Variants in DLGAP5 observed in about 807,000 individuals in gnomAD.
DLGAP5 encodes DLG associated protein 5.
In DLGAP5, 90 loss-of-function variants were observed where a neutral mutation model predicts 99.6. That is an observed-to-expected ratio of 0.90 (90% confidence interval 0.76 to 1.08). The LOEUF is 1.08. Ranked by LOEUF, DLGAP5 falls within the 50% of genes least tolerant of loss-of-function variation. The pLI, the probability that DLGAP5 is intolerant of heterozygous loss-of-function variation, is 0.00. For synonymous variants in DLGAP5, 311 were observed against 321.3 expected, an observed-to-expected ratio of 0.97 and a Z score of 0.34; for missense variants, 1,036 against 983.5, an observed-to-expected ratio of 1.05 and a Z score of -0.71.
At chr14:55,188,468 C>T (rs563755425) in intron 2 of DLGAP5, among the ~76,000 whole-genome samples, 1 of 152,132 alleles carries the variant, frequency 6.6e-6, no homozygotes, top group Non-Finnish European at 1.5e-5. Flanking sequence ...TCTATTTTTA[C>T]ATTTCTTATC....
chr14:55,186,722 C>T (rs1883448234), intron 2 of DLGAP5, among the ~76,000 whole-genome samples: 1 of 152,218 alleles, frequency 6.6e-6, no homozygotes, highest in Non-Finnish European at 1.5e-5. Flanking sequence ...TTCAAGATCA[C>T]CAGTGACCTC....
At chr14:55,166,741 T>A (rs1028012647) in intron 12 of DLGAP5, among the ~76,000 whole-genome samples, 11 of 151,114 alleles carry the variant, frequency 7.3e-5, no homozygotes, top group African/African-American at 2.4e-4. Flanking sequence ...AAAAAAAAAA[T>A]ACATATATAT....
At position 55,158,676 on chromosome 14, in the gene DLGAP5, T is replaced by C. The variant is rs1489294909; in HGVS notation, c.1719A>G (p.Arg573=). ...KQDDAGRIAA[R]NRLAAIKNAM... ...CATTTTTTATGGCAGCTAGGCGATT[T>C]CTCGCTGCAATTCTTCCAGCATCAT... is the stretch of plus-strand genomic sequence containing the variant. The change falls in exon 14 of 19, where the codon AGA becomes AGG. Residue 573 remains arginine (R), a synonymous_variant. Coordinates refer to ENST00000247191, the MANE Select transcript of DLGAP5 (RefSeq NM_014750.5). The C allele has an allele frequency of 3.1e-6, 5 of 1,614,010 alleles. No individual in the cohort carries two copies. The highest frequency in any genetic ancestry group is 4.2e-6 in the Non-Finnish European group (5 of 1,180,012).
At chr14:55,161,007 C>CT (rs1424426483) in intron 13 of DLGAP5, among the ~76,000 whole-genome samples, 1 of 151,658 alleles carries the variant, frequency 6.6e-6, no homozygotes, top group Non-Finnish European at 1.5e-5. Flanking sequence ...TGATAAGACA[C>CT]TTAAACATGT....
chr14:55,163,075 T>C lies in DLGAP5; in HGVS notation c.1549A>G (p.Ile517Val). The change falls in exon 13 of 19, where the codon ATA becomes GTA. Residue 517 changes from isoleucine to valine, a missense_variant and splice_region_variant. Transcript: ENST00000247191. Reference sequence around the variant, plus strand: ...TTGAATTTGTGGATTACATCTTCTATCTGTTAATAAAGCACAAGTTTACCA... The same window carrying C: ...TTGAATTTGTGGATTACATCTTCTACCTGTTAATAAAGCACAAGTTTACCA... ...DGFWDMVSFQIEDVIHKFNNL... is the reference protein window; with the variant it reads ...DGFWDMVSFQVEDVIHKFNNL... The C allele has an allele frequency of 6.3e-7, 1 of 1,580,506 alleles. No individual in the cohort carries two copies. Among genetic ancestry groups the C allele is most frequent in the Non-Finnish European group, 8.6e-7 (1 of 1,161,104 alleles).
chr14:55,164,677 T>G (rs760845069), intron 12 of DLGAP5, among the ~76,000 whole-genome samples: 5 of 151,890 alleles, frequency 3.3e-5, no homozygotes, highest in Non-Finnish European at 7.4e-5. Flanking sequence ...ATCCCAGGAC[T>G]TTGGGAGGCA....
intron 18 of DLGAP5, 26 bp downstream of exon 18, chr14:55,150,773 G>A (rs531145796): frequency 1.3e-6 from 2 of 1,527,226 alleles, no homozygotes; most frequent in East Asian, 2.4e-5. Flanking sequence ...AGAATATAAA[G>A]GGACTTGTCA....
rs1402927385 is a variant in DLGAP5 at position 55,154,665 on chromosome 14, T to C, written c.2015A>G (p.Lys672Arg). ...SPENAGPQNT[K>R]SEHVKKTLFL... Reference sequence around the variant, plus strand: ...CAAAGTCTTCTTCACATGTTCACTTTTCGTATTCTGAGGACCGGCATTTTC... The same window carrying C: ...CAAAGTCTTCTTCACATGTTCACTTCTCGTATTCTGAGGACCGGCATTTTC... The change falls in exon 15 of 19, where the codon AAA becomes AGA. Residue 672 changes from lysine to arginine, a missense_variant. By Grantham distance (26) the Lys-to-Arg change is conservative. Transcript: ENST00000247191. The C allele has an allele frequency of 2.5e-6, 4 of 1,614,070 alleles. No individual in the cohort carries two copies. The African/African-American group carries it at 4.0e-5, about 16-fold the overall frequency.
chr14:55,176,976 GAAAAAA>G lies in DLGAP5; in HGVS notation c.1049+80_1049+85del, dbSNP rs34109336. On this transcript the variant is annotated intron_variant, in intron 8 of 18. Coordinates refer to ENST00000247191, the MANE Select transcript of DLGAP5 (RefSeq NM_014750.5). ...CTGGGCGACAGAGCGAACTCCGTCT[GAAAAAA>G]AAAAAAAAAAAAAAAAAAAAAAGAA... 1.6e-3 allele frequency: 405 copies of G among 253,308 alleles called. No homozygotes were observed. In the Middle Eastern group the frequency reaches 0.026, roughly 16 times the overall value. The allele number at this position is 253,308 out of a possible 1,614,324, so 15.7% of individuals were successfully genotyped here.
At chr14:55,153,765 T>G (rs1882104614) in intron 15 of DLGAP5, among the ~76,000 whole-genome samples, 2 of 151,350 alleles carry the variant, frequency 1.3e-5, no homozygotes, top group African/African-American at 4.9e-5. Flanking sequence ...AACTACAAGA[T>G]ATACAAAGTA....
At chr14:55,189,537 A>G (rs570369367) in intron 1 of DLGAP5, among the ~76,000 whole-genome samples, 1 of 152,350 alleles carries the variant, frequency 6.6e-6, no homozygotes, top group Non-Finnish European at 1.5e-5. Context: ...TTCCTTACCC[A>G]TGATGAGGAA....
In DLGAP5 at chr14:55,183,772, A is replaced by G; in HGVS notation, c.239-19T>C. On this transcript the variant is annotated intron_variant, in intron 2 of 18. Transcript: ENST00000247191. ...ATTGCCCCTAGGCAGAAAAAAAACC[A>G]AAACCACACAGTATATAAAACATTT... The G allele has an allele frequency of 2.0e-6, 3 of 1,535,974 alleles. No homozygotes were observed. In the South Asian group the frequency reaches 3.8e-5, roughly 19 times the overall value.
At chr14:55,178,027 C>A (rs10147427) in intron 7 of DLGAP5, among the ~76,000 whole-genome samples, 1 of 148,642 alleles carries the variant, frequency 6.7e-6, no homozygotes, top group African/African-American at 2.5e-5. Context: ...CTGAGGCGGG[C>A]GGATCACAAG....
chr14:55,183,826 C>A, intron 2 of DLGAP5, 73 bp from the exon 3 acceptor site: 10 of 1,365,790 alleles, frequency 7.3e-6, no homozygotes, highest in Non-Finnish European at 9.6e-6. Context: ...AATGTATAAA[C>A]AATTATTTTT....
At chr14:55,176,686 G>C (rs1267949875) in intron 8 of DLGAP5, among the ~76,000 whole-genome samples, 1 of 151,994 alleles carries the variant, frequency 6.6e-6, no homozygotes, top group Non-Finnish European at 1.5e-5. Context: ...CCAAATATAA[G>C]AAAGACATTT....
At chr14:55,181,040 A>G (rs553483444) in intron 5 of DLGAP5, among the ~76,000 whole-genome samples, 173 bp downstream of exon 5, 90 of 152,292 alleles carry the variant, frequency 5.9e-4, no homozygotes, top group African/African-American at 2.0e-3. Context: ...ACTTGAGCCC[A>G]GGAGGTGGAG....
At chr14:55,183,258 C>T (rs1185562476) in intron 3 of DLGAP5, among the ~76,000 whole-genome samples, 4 of 152,140 alleles carry the variant, frequency 2.6e-5, no homozygotes, top group African/African-American at 4.8e-5. Flanking sequence ...AATTTGACAA[C>T]GGCACTACCC....
chr14:55,189,310 T>C (rs1883532786), intron 1 of DLGAP5, 130 bp from the exon 2 acceptor site: 1 of 708,452 alleles, frequency 1.4e-6, no homozygotes, highest in East Asian at 2.7e-5. Flanking sequence ...ATGAAATAAA[T>C]ATGTAACACT....
chr14:55,174,623 A>G (rs978210688), intron 10 of DLGAP5, among the ~76,000 whole-genome samples: 2 of 152,078 alleles, frequency 1.3e-5, no homozygotes, highest in South Asian at 2.1e-4. Flanking sequence ...CAAGCTGGCC[A>G]ATGCTTAAGG....
Sources: gnomAD v4.1 joint callset for allele counts (sites outside exome capture counted in the v4.1 genomes callset) on GRCh38, gnomAD v4.1.1 for gene constraint, MANE v1.5 for transcripts, NCBI Gene and HGNC (gene_info 2026-07-23, HGNC 2026-07-21) for gene names.